The following MATN4 variants were observed in gnomAD, a reference collection of about 807,000 sequenced individuals.
MATN4 encodes matrilin-4.
In MATN4, 40 loss-of-function variants were observed where a neutral mutation model predicts 54.6. The observed-to-expected ratio is 0.73, with a 90% confidence interval of 0.57 to 0.95. MATN4 has a LOEUF of 0.95. Ranked by LOEUF, MATN4 falls within the 40% of genes least tolerant of loss-of-function variation. MATN4 has a pLI of 0.00. For synonymous variants in MATN4, 351 were observed against 345.3 expected (o/e 1.02, Z -0.18); for missense variants, 810 against 819.1 (o/e 0.99, Z 0.13).
chr20:45,298,498 G>A lies in MATN4; in HGVS notation c.1098C>T (p.Arg366=). Residue 366 remains arginine, a synonymous_variant, in exon 7 of 10, where the codon CGC becomes CGT. Coordinates refer to ENST00000372756, the MANE Select transcript of MATN4 (RefSeq NM_001393530.1). The surrounding 1 kb of genome is among the most constrained non-coding windows in gnomAD (Gnocchi z 4.6). ...GGAAGTCCACAATCTGGTTCACGAA[G>A]CGCTTCACTAGCTCGAAGTTTTGTG... The part of the protein sequence containing the change: ...VRPQNFELVK[R]FVNQIVDFLD... The A allele has an allele frequency of 1.2e-6, 2 of 1,613,462 alleles. No homozygotes were observed. Among genetic ancestry groups the A allele is most frequent in the Non-Finnish European group, 1.7e-6 (2 of 1,179,678 alleles).
At chr20:45,305,703 A>G in intron 1 of MATN4, 87 bp from the exon 2 acceptor site, 1 of 590,604 alleles carries the variant, frequency 1.7e-6, no homozygotes, top group Non-Finnish European at 3.0e-6. Flanking sequence ...GAAGACAGTT[A>G]CAGGTTTATT....
At chr20:45,300,101 G>A (rs1986132669) in intron 6 of MATN4, among the ~76,000 whole-genome samples, 1 of 152,022 alleles carries the variant, frequency 6.6e-6, no homozygotes, top group Non-Finnish European at 1.5e-5. Flanking sequence ...GGACTCCTCA[G>A]CCTCCAGAAT....
At chr20:45,305,304 T>C (rs1328091944) in intron 2 of MATN4, among the ~76,000 whole-genome samples, 1 of 152,224 alleles carries the variant, frequency 6.6e-6, no homozygotes, top group Non-Finnish European at 1.5e-5. Context: ...AAACACCCCA[T>C]GGGCAGTTCT....
Position 45,305,504 on chromosome 20 carries a change from G to A in MATN4, c.73+6C>T. 1.3e-6 allele frequency: 2 copies of A among 1,552,410 alleles called. No homozygotes were observed. Among genetic ancestry groups the A allele is most frequent in the Non-Finnish European group, 1.7e-6 (2 of 1,147,474 alleles). ...TCCCACTGGTGAGGGCTGGGCCCCAGTTCACCTGTCAACTGGAGCTGGGTT... is the reference window on the plus strand; with the variant it reads ...TCCCACTGGTGAGGGCTGGGCCCCAATTCACCTGTCAACTGGAGCTGGGTT... On this transcript the variant is annotated splice_donor_region_variant and intron_variant, in intron 2 of 9. Transcript: ENST00000372756.
chr20:45,298,121 C>T lies in MATN4; in HGVS notation c.1426+49G>A. ...GCCCCAGGCCTCGGGAAAGCTGCCT[C>T]CCAGCGTCTGACCCAACCCCAGCCC... On this transcript the variant is annotated intron_variant, in intron 7 of 9. Coordinates refer to ENST00000372756, the MANE Select transcript of MATN4 (RefSeq NM_001393530.1). The surrounding 1 kb of genome is among the most constrained non-coding windows in gnomAD (Gnocchi z 4.6). The T allele has an allele frequency of 1.2e-6, 2 of 1,603,188 alleles. No individual in the cohort carries two copies. The highest frequency in any genetic ancestry group is 1.7e-5 in the Admixed American group (1 of 59,796).
rs185394866 is a variant in MATN4 at position 45,305,476 on chromosome 20, T to C, written c.73+34A>G. The stretch of plus-strand genomic sequence containing the variant: ...GAGGGAGGACCTGCTTCCGCTCCCC[T>C]CCTCCCACTGGTGAGGGCTGGGCCC... On this transcript the variant is annotated intron_variant, in intron 2 of 9. Coordinates refer to ENST00000372756, the MANE Select transcript of MATN4 (RefSeq NM_001393530.1). 5.2e-4 allele frequency: 797 copies of C among 1,526,780 alleles called. 2 individuals are homozygous for C. The African/African-American group carries it at 8.8e-3, about 17-fold the overall frequency. 94.6% of individuals were successfully genotyped at this position (1,526,780 alleles called of 1,614,324 possible).
intron 1 of MATN4, chr20:45,306,878 G>A (rs905674449): frequency 2.2e-5 from 28 of 1,253,836 alleles, no homozygotes; most frequent in Non-Finnish European, 2.5e-5. Flanking sequence ...CACTGGACTC[G>A]TCCAGAGGGC....
chr20:45,304,530 C>G lies in MATN4; in HGVS notation c.341G>C (p.Gly114Ala), dbSNP rs749799973. ...GTTCATGGCGTACTGGATTGCCAGT[C>G]CCGTCATGGTGCCTTGCGCCAGAGG... Reference protein sequence around the residue: ...LVPLAQGTMTGLAIQYAMNVA... With the variant: ...LVPLAQGTMTALAIQYAMNVA... Residue 114 changes from glycine to alanine, a missense_variant, in exon 3 of 10, where the codon GGA (glycine) becomes GCA (alanine). Physicochemically the swap from Gly to Ala is moderately conservative, Grantham distance 60. Transcript: ENST00000372756. 3 of 1,594,568 alleles carry G rather than the reference C, an allele frequency of 1.9e-6. No homozygotes were observed. Among genetic ancestry groups the G allele is most frequent in the Non-Finnish European group, 2.6e-6 (3 of 1,164,970 alleles).
rs746486369 is a variant in MATN4 at position 45,301,378 on chromosome 20, A to G, written c.709T>C (p.Tyr237His). Residue 237 changes from tyrosine (Y) to histidine (H), a missense_variant, in exon 4 of 10, where the codon TAT becomes CAT. Tyr to His is a moderately conservative substitution (Grantham distance 83, BLOSUM62 2). Coordinates refer to ENST00000372756, the MANE Select transcript of MATN4 (RefSeq NM_001393530.1). ...AAGCCAACTTGGCAGTGACAGAAAT[A>G]GGAGCCTGGGGAATTGACGCAGTGG... ...EHHCVNSPGS[Y>H]FCHCQVGFVL... 1.2e-6 allele frequency: 2 copies of G among 1,614,168 alleles called. No homozygotes were observed. Among genetic ancestry groups the G allele is most frequent in the Middle Eastern group, 1.7e-4 (1 of 6,040 alleles).
chr20:45,301,550 C>T, intron 3 of MATN4, 107 bp from the exon 4 acceptor site: 2 of 1,211,568 alleles, frequency 1.7e-6, no homozygotes, highest in Non-Finnish European at 2.3e-6. Context: ...GGCCCCAACC[C>T]CAAAAATCCT....
At position 45,298,936 on chromosome 20, in the gene MATN4, T is replaced by C. The variant is rs977740568; in HGVS notation, c.1013-353A>G. On this transcript the variant is annotated intron_variant, in intron 6 of 9. Coordinates refer to ENST00000372756, the MANE Select transcript of MATN4 (RefSeq NM_001393530.1). The surrounding 1 kb of genome is among the most constrained non-coding windows in gnomAD (Gnocchi z 4.6). ...CTAAGCACTCTACCAGTATTAACAA[T>C]AATAATAACAAAAACATTATTTACC... Among the ~76,000 whole-genome samples the C allele has an allele frequency of 1.3e-5, 2 of 152,162 alleles. No individual in the cohort carries two copies. Among genetic ancestry groups the C allele is most frequent in the African/African-American group, 4.8e-5 (2 of 41,448 alleles).
chr20:45,297,479 C>T (rs1985916607), intron 8 of MATN4, among the ~76,000 whole-genome samples: 1 of 152,060 alleles, frequency 6.6e-6, no homozygotes, highest in African/African-American at 2.4e-5. Context: ...TATATTCAGT[C>T]CTGCCACTTT....
intron 8 of MATN4, among the ~76,000 whole-genome samples, chr20:45,297,134 C>A (rs935997617): frequency 2.0e-5 from 3 of 149,918 alleles, no homozygotes; most frequent in Non-Finnish European, 3.0e-5. Context: ...GCCCAGCCCC[C>A]CTACATATAT....
upstream of MATN4, chr20:45,308,398 C>G: frequency 1.6e-6 from 1 of 610,444 alleles, no homozygotes; most frequent in Admixed American, 2.7e-5. Context: ...AGGGATCCCC[C>G]CTTCCTCCTG....
In MATN4 at chr20:45,293,649, C is replaced by T; in HGVS notation, c.*118G>A. The T allele has an allele frequency of 1.0e-6, 1 of 964,276 alleles. No homozygotes were observed. The highest frequency in any genetic ancestry group is 1.8e-5 in the South Asian group (1 of 55,802). 59.7% of individuals were successfully genotyped at this position (964,276 alleles called of 1,614,324 possible). ...TGCCGGAAGCCCGCCAGCGCCTCCG[C>T]CCCGACAGCCCAAGCCGGACGGGCC... On this transcript the variant is annotated 3_prime_UTR_variant, in exon 10 of 10. Transcript: ENST00000372756.
rs183873651 is a variant in MATN4 at position 45,300,801 on chromosome 20, G to A, written c.1012+86C>T. On this transcript the variant is annotated intron_variant, in intron 6 of 9. Transcript: ENST00000372756. ...ACAGACATTCACACCACAGCCTAGG[G>A]GCCACAGCAATGGCAAAGTCAAGGA... 48 of 1,532,306 alleles carry A rather than the reference G, an allele frequency of 3.1e-5. No homozygotes were observed. The Admixed American group carries it at 8.1e-4, about 26-fold the overall frequency. The allele number at this position is 1,532,306 out of a possible 1,614,324, so 94.9% of individuals were successfully genotyped here. A position where few individuals can be genotyped will look rare whatever the true frequency, so the allele number is the denominator to read the frequency against.
rs1985976778 is a variant in MATN4, at chr20:45,298,169, C to T, written c.1426+1G>A. On this transcript the variant is annotated splice_donor_variant, in intron 7 of 9. Transcript: ENST00000372756. LOFTEE classifies it high-confidence loss of function. This position sits in a 1 kb window ranked among gnomAD's most constrained non-coding sequence, Gnocchi z 4.6. ...CCCACTGTGTCCCATGCCAAGCCCACCTTCCTCCTTGGCGCGCGCTGCCCA... is the reference window on the plus strand; with the variant it reads ...CCCACTGTGTCCCATGCCAAGCCCATCTTCCTCCTTGGCGCGCGCTGCCCA... 6.3e-7 allele frequency: 1 copy of T among 1,595,548 alleles called. No homozygotes were observed. Among genetic ancestry groups the T allele is most frequent in the Non-Finnish European group, 8.6e-7 (1 of 1,166,880 alleles).
At chr20:45,297,862 GA>G (rs1210828568) in intron 8 of MATN4, 55 bp downstream of exon 8, 1 of 1,596,546 alleles carries the variant, frequency 6.3e-7, no homozygotes, top group Non-Finnish European at 8.6e-7. Flanking sequence ...AGGAAGGGGA[GA>G]TATCAGAGGA....
rs1986419491 is a variant in MATN4, at chr20:45,304,247, C to A, written c.624G>T (p.Gln208His). Residue 208 changes from glutamine (Q) to histidine (H), a missense_variant, in exon 3 of 10, where the codon CAG becomes CAT. Transcript: ENST00000372756. ...ACTCACCACACAGCCGGCTCTGGAA[C>A]TGCAGGCCGAACTCCTGGATGAGGT... ...SFDLIQEFGLQFQSRLCAIDL... is the reference protein window; with the variant it reads ...SFDLIQEFGLHFQSRLCAIDL... The A allele has an allele frequency of 6.5e-7, 1 of 1,532,022 alleles. No individual in the cohort carries two copies. The highest frequency in any genetic ancestry group is 8.7e-7 in the Non-Finnish European group (1 of 1,144,042). The allele number at this position is 1,532,022 out of a possible 1,614,324, so 94.9% of individuals were successfully genotyped here.
Sources: gnomAD v4.1 joint callset for allele counts (sites outside exome capture counted in the v4.1 genomes callset) on GRCh38, gnomAD v4.1.1 for gene constraint, Gnocchi (gnomAD v3.1) non-coding constraint, MANE v1.5 for transcripts, NCBI Gene and HGNC (gene_info 2026-07-23, HGNC 2026-07-21) for gene names.